Variants in DNAJB1 observed in about 807,000 individuals in gnomAD.
The protein encoded by DNAJB1 is dnaJ homolog subfamily B member 1.
A neutral mutation model predicts 24.0 loss-of-function variants in DNAJB1; 14 were observed. The ratio of observed to expected loss-of-function variants is 0.58; its 90% confidence interval spans 0.39 to 0.91. The LOEUF is 0.91. Ranked by LOEUF, DNAJB1 falls within the 40% of genes least tolerant of loss-of-function variation. DNAJB1 has a pLI of 0.00. For missense variants in DNAJB1, 517 were observed against 458.1 expected (o/e 1.13, Z -1.17); for synonymous variants, 262 against 174.4 (o/e 1.50, Z -3.96).
At chr19:14,542,282 C>T (rs528586092) in intron 1 of DNAJB1, among the ~76,000 whole-genome samples, 2 of 147,990 alleles carry the variant, frequency 1.4e-5, no homozygotes, top group African/African-American at 4.9e-5. Flanking sequence ...ACTGATTTTA[C>T]CTAAAAGATT....
chr19:14,547,864 G>GTTGC (rs1247077124), intron 1 of DNAJB1, among the ~76,000 whole-genome samples: 1 of 150,066 alleles, frequency 6.7e-6, no homozygotes, highest in Non-Finnish European at 1.5e-5. Flanking sequence ...GTCTTGCGAT[G>GTTGC]TTGCCCAGGT....
chr19:14,540,809 GTGTATCACTA>G (rs1280336553), intron 1 of DNAJB1, among the ~76,000 whole-genome samples: 1 of 152,142 alleles, frequency 6.6e-6, no homozygotes, highest in Non-Finnish European at 1.5e-5. Context: ...GACTGCAGGT[GTGTATCACTA>G]TGTCTGGCTG....
At position 14,516,096 on chromosome 19, in the gene DNAJB1, G is replaced by A. The variant is rs765566260; in HGVS notation, c.867C>T (p.Ile289=). The change falls in exon 3 of 3, where the codon ATC becomes ATT. Residue 289 remains isoleucine (I), a synonymous_variant. Coordinates refer to ENST00000254322, the MANE Select transcript of DNAJB1 (RefSeq NM_006145.3). ...RTIPVVFKDV[I]RPGMRRKVPG... is the part of the protein sequence containing the mutation. ...GAACTTTTCGCCGCATGCCAGGCCTGATAACATCTTTGAATACGACGGGTA... is the reference window on the plus strand; with the variant it reads ...GAACTTTTCGCCGCATGCCAGGCCTAATAACATCTTTGAATACGACGGGTA... 1.9e-6 allele frequency: 3 copies of A among 1,613,784 alleles called. No homozygotes were observed. The highest frequency in any genetic ancestry group is 2.7e-5 in the African/African-American group (2 of 74,890).
upstream of DNAJB1, among the ~76,000 whole-genome samples, chr19:14,523,205 CGAAAAGAAAA>C (rs370238901): frequency 1.3e-5 from 2 of 151,100 alleles, no homozygotes; most frequent in Admixed American, 6.6e-5. Flanking sequence ...GACTCTGTCT[CGAAAAGAAAA>C]GAAAAGAAAA....
chr19:14,522,683 G>GACACACACACAC (rs56121204), upstream of DNAJB1, among the ~76,000 whole-genome samples: 108 of 117,876 alleles, frequency 9.2e-4, 1 homozygote, highest in Middle Eastern at 4.1e-3. Flanking sequence ...CACACACACA[G>GACACACACACAC]ACACACACAC....
upstream of DNAJB1, among the ~76,000 whole-genome samples, chr19:14,552,439 G>T (rs1462618286): frequency 6.6e-6 from 1 of 151,976 alleles, no homozygotes; most frequent in Non-Finnish European, 1.5e-5. Flanking sequence ...ACTCACATGG[G>T]CACTTCCAGG....
chr19:14,517,976 C>G, intron 1 of DNAJB1, 163 bp downstream of exon 1: 1 of 680,706 alleles, frequency 1.5e-6, no homozygotes, highest in Non-Finnish European at 2.2e-6. Flanking sequence ...TCCCACCGCG[C>G]GGCCGCCAAT....
At chr19:14,537,314 CAAG>C (rs1231195789) in intron 1 of DNAJB1, among the ~76,000 whole-genome samples, 1 of 149,422 alleles carries the variant, frequency 6.7e-6, no homozygotes, top group Non-Finnish European at 1.5e-5. Context: ...GACCGAGTAA[CAAG>C]AAGGTGGGAC....
chr19:14,521,685 G>C (rs1164652588), upstream of DNAJB1, among the ~76,000 whole-genome samples: 1 of 151,876 alleles, frequency 6.6e-6, no homozygotes, highest in African/African-American at 2.4e-5. Flanking sequence ...GCAGTGGCAC[G>C]ATCTCAGCTC....
chr19:14,523,620 GTTTTTTT>G (rs201229670), intron 2 of DNAJB1, among the ~76,000 whole-genome samples: 1 of 116,372 alleles, frequency 8.6e-6, no homozygotes, highest in East Asian at 2.6e-4. Flanking sequence ...CCTTGTTTTT[GTTTTTTT>G]TTTTTTTTGA....
upstream of DNAJB1, chr19:14,529,664 G>A (rs751580195): frequency 1.1e-5 from 18 of 1,613,690 alleles, no homozygotes; most frequent in African/African-American, 2.0e-4. Context: ...GGCAGCAGCA[G>A]CCGCGGAGCA....
intron 2 of DNAJB1, among the ~76,000 whole-genome samples, chr19:14,525,750 C>A (rs938441816): frequency 3.3e-5 from 5 of 151,182 alleles, no homozygotes; most frequent in Non-Finnish European, 7.4e-5. Context: ...CGTATGTGTT[C>A]AGAGCTGTAC....
chr19:14,549,307 G>T (rs2073411898), intron 1 of DNAJB1, among the ~76,000 whole-genome samples: 2 of 148,254 alleles, frequency 1.3e-5, no homozygotes, highest in Admixed American at 1.4e-4. Context: ...CTGCCTCCCG[G>T]GTTCAAGCAG....
intron 1 of DNAJB1, among the ~76,000 whole-genome samples, chr19:14,535,543 AAT>A (rs747348455): frequency 0.013 from 412 of 32,654 alleles, 4 homozygotes; most frequent in African/African-American, 0.02. Context: ...AAAAAAAAAA[AAT>A]ATATATATAT....
intron 1 of DNAJB1, among the ~76,000 whole-genome samples, chr19:14,537,180 A>T (rs994491455): frequency 1.3e-5 from 1 of 74,370 alleles, no homozygotes; most frequent in East Asian, 5.6e-4. Context: ...CCGGGGGGGA[A>T]GGGGAGGCCG....
chr19:14,558,170 G>A (rs2073796003), intron 1 of DNAJB1, among the ~76,000 whole-genome samples: 1 of 152,156 alleles, frequency 6.6e-6, no homozygotes, highest in Admixed American at 6.5e-5. Flanking sequence ...AGAGAGGTTG[G>A]GTAACTTGCC....
At chr19:14,551,966 T>TTC (rs1599466317), upstream of DNAJB1, among the ~76,000 whole-genome samples, 1 of 120,432 alleles carries the variant, frequency 8.3e-6, no homozygotes, top group Non-Finnish European at 1.7e-5. Flanking sequence ...TCTCTCTCTC[T>TTC]CTCTCTTTCT....
chr19:14,542,347 G>GTGTTTTTTTTTTTTTTTTTT (rs2073125545), intron 1 of DNAJB1, among the ~76,000 whole-genome samples: 1 of 43,282 alleles, frequency 2.3e-5, no homozygotes, highest in African/African-American at 8.1e-5. Context: ...ATGCCATAGT[G>GTGTTTTTTTTTTTTTTTTTT]TTTTTTTTTT....
chr19:14,550,326 C>G (rs1174584849), exon 1 of DNAJB1, among the ~76,000 whole-genome samples: 1 of 152,130 alleles, frequency 6.6e-6, no homozygotes, highest in Non-Finnish European at 1.5e-5. Flanking sequence ...ATAAAGCCTG[C>G]CACGTAGATC....
Sources: gnomAD v4.1 joint callset for allele counts (sites outside exome capture counted in the v4.1 genomes callset) on GRCh38, gnomAD v4.1.1 for gene constraint, MANE v1.5 for transcripts, NCBI Gene and HGNC (gene_info 2026-07-23, HGNC 2026-07-21) for gene names.